The following STX19 variants were observed in gnomAD, a reference collection of about 807,000 sequenced individuals.
STX19 encodes syntaxin 19, also known as syntaxin-19.
STX19 carries 26 observed loss-of-function variants against 24.3 expected under a neutral mutation model. That is an observed-to-expected ratio of 1.07 (90% CI 0.78 to 1.48). STX19 has a LOEUF of 1.48. Among genes scored for constraint, STX19 ranks in the 40% most tolerant of loss-of-function variants. STX19 has a pLI of 0.00. For synonymous variants in STX19, 116 were observed against 106.9 expected, an observed-to-expected ratio of 1.09 and a Z score of -0.52; for missense variants, 367 against 331.9, an observed-to-expected ratio of 1.11 and a Z score of -0.82.
chr3:94,019,202 A>G (rs2076396855), intron 1 of STX19, among the ~76,000 whole-genome samples: 1 of 150,032 alleles, frequency 6.7e-6, no homozygotes, highest in South Asian at 2.1e-4. Context: ...ATTTTTGTTA[A>G]TTTTTTATTT....
At chr3:94,020,276 C>T (rs2076420360) in intron 1 of STX19, among the ~76,000 whole-genome samples, 3 of 152,120 alleles carry the variant, frequency 2.0e-5, no homozygotes, top group Admixed American at 2.0e-4. Flanking sequence ...GTGCCAGGCA[C>T]TAAGTGTGTT....
In STX19 at chr3:94,015,095, C is replaced by T. The variant is rs749663559; in HGVS notation, c.175G>A (p.Glu59Lys). 2 of 1,613,692 alleles carry T rather than the reference C, an allele frequency of 1.2e-6. No homozygotes were observed. The highest frequency in any genetic ancestry group is 1.1e-5 in the South Asian group (1 of 91,020). ...RHLHEIQKLQ[E>K]SINNLADNVQ... ...TTATCTGCCAAATTGTTAATACTTTCCTGTAGTTTTTGGATTTCATGTAGG... is the reference window on the plus strand; with the variant it reads ...TTATCTGCCAAATTGTTAATACTTTTCTGTAGTTTTTGGATTTCATGTAGG... The change falls in exon 2 of 2, where the codon GAA becomes AAA. Residue 59 changes from glutamate (E) to lysine (K), a missense_variant. By Grantham distance (56) the Glu-to-Lys change is moderately conservative. Transcript: ENST00000315099.
chr3:94,028,320 C>T (rs1051277098), intron 1 of STX19, 47 bp downstream of exon 1: 14 of 152,158 alleles, frequency 9.2e-5, no homozygotes, highest in African/African-American at 3.4e-4. Flanking sequence ...AGATGTCAGT[C>T]TATGGATACC....
In STX19 at chr3:94,021,613, T is replaced by C. The variant is rs138473258; in HGVS notation, c.-13-6331A>G. ...TGGCAACTTTGTGAAAGCAGAATTA[T>C]CACCCATGTTTTATTATATACATCT... On this transcript the variant is annotated intron_variant, in intron 1 of 1. Transcript: ENST00000315099. Among the ~76,000 whole-genome samples, 96 of 152,328 alleles carry C rather than the reference T, an allele frequency of 6.3e-4. 1 individual carries two copies. Among genetic ancestry groups the C allele is most frequent in the Non-Finnish European group, 1.1e-3 (75 of 68,030 alleles).
chr3:94,016,342 G>C (rs2076333204), intron 1 of STX19, among the ~76,000 whole-genome samples: 1 of 152,138 alleles, frequency 6.6e-6, no homozygotes, highest in South Asian at 2.1e-4. Flanking sequence ...GTAGGACTCA[G>C]TGTTTGATAT....
chr3:94,022,117 GTTTTA>G (rs1384163033), intron 1 of STX19, among the ~76,000 whole-genome samples: 1 of 151,716 alleles, frequency 6.6e-6, no homozygotes, highest in Non-Finnish European at 1.5e-5. Context: ...TGCTTCTTCA[GTTTTA>G]TTTTATTTTA....
At chr3:94,018,998 T>A (rs967098167) in intron 1 of STX19, among the ~76,000 whole-genome samples, 1 of 152,166 alleles carries the variant, frequency 6.6e-6, no homozygotes, top group Non-Finnish European at 1.5e-5. Flanking sequence ...ACTCCTGATC[T>A]CAGGCGATCC....
chr3:94,017,586 T>A (rs947012178), intron 1 of STX19, among the ~76,000 whole-genome samples: 3 of 152,264 alleles, frequency 2.0e-5, no homozygotes, highest in African/African-American at 7.2e-5. Context: ...ATATAAGTTT[T>A]AAATGCTGTA....
intron 1 of STX19, among the ~76,000 whole-genome samples, chr3:94,025,425 C>A (rs998286925): frequency 6.6e-6 from 1 of 152,072 alleles, no homozygotes; most frequent in Non-Finnish European, 1.5e-5. Flanking sequence ...GTTTATGGAT[C>A]CTATGCCTGT....
rs768103430 is a variant in STX19 at position 94,014,534 on chromosome 3, T to G, written c.736A>C (p.Ser246Arg). 5 of 1,612,836 alleles carry G rather than the reference T, an allele frequency of 3.1e-6. No homozygotes were observed. In the African/African-American group the frequency reaches 4.0e-5, roughly 13 times the overall value. Residue 246 changes from serine (S) to arginine (R), a missense_variant, in exon 2 of 2, where the codon AGC (serine) becomes CGC (arginine). Coordinates refer to ENST00000315099, the MANE Select transcript of STX19 (RefSeq NM_001001850.3). ...ISLLVEEQGE[S>R]INNIEMTVNS... ...ACTGTCATTTCAATATTGTTGATGC[T>G]CTCTCCTTGTTCCTCTACTAAAAGA...
At chr3:94,025,709 T>G (rs2107039635) in intron 1 of STX19, among the ~76,000 whole-genome samples, 1 of 152,318 alleles carries the variant, frequency 6.6e-6, no homozygotes, top group East Asian at 1.9e-4. Context: ...GTTTGCCCCT[T>G]GTAGCCCAGG....
rs146032983 is a variant in STX19, at chr3:94,019,870, G to A, written c.-13-4588C>T. On this transcript the variant is annotated intron_variant, in intron 1 of 1. Transcript: ENST00000315099. ...TTGGCACTTGCCTTCTCTTCTATTTGAAGTGTTCTTTCCCATGTAGTATGT... is the reference window on the plus strand; with the variant it reads ...TTGGCACTTGCCTTCTCTTCTATTTAAAGTGTTCTTTCCCATGTAGTATGT... 6.4e-3 allele frequency among the ~76,000 whole-genome samples: 978 copies of A among 152,222 alleles called. 8 individuals carry two copies. The highest frequency in any genetic ancestry group is 9.9e-3 in the Admixed American group (151 of 15,294).
At chr3:94,026,784 T>C (rs2076567325) in intron 1 of STX19, among the ~76,000 whole-genome samples, 1 of 152,202 alleles carries the variant, frequency 6.6e-6, no homozygotes, top group South Asian at 2.1e-4. Context: ...TCTTTTATTA[T>C]GTTTAACTTG....
intron 1 of STX19, among the ~76,000 whole-genome samples, chr3:94,020,114 G>A (rs537908862): frequency 7.2e-5 from 11 of 152,086 alleles, no homozygotes; most frequent in Middle Eastern, 3.4e-3. Context: ...TGAGATCAAG[G>A]GTTTTTATTC....
At chr3:94,024,166 G>T (rs139908093) in intron 1 of STX19, among the ~76,000 whole-genome samples, 1 of 151,994 alleles carries the variant, frequency 6.6e-6, no homozygotes. Context: ...AAAGGATCTC[G>T]CTCTTTTGTC....
In STX19 at chr3:94,014,494, T is replaced by C; in HGVS notation, c.776A>G (p.Glu259Gly). ...TTTCTCTTTAGTATTGTTAACATAC[T>C]CTTTTGTACTATTCACTGTCATTTC... ...NIEMTVNSTKEYVNNTKEKFG... is the reference protein window; with the variant it reads ...NIEMTVNSTKGYVNNTKEKFG... Residue 259 changes from glutamate to glycine, a missense_variant, in exon 2 of 2, where the codon GAG (glutamate) becomes GGG (glycine). Coordinates refer to ENST00000315099, the MANE Select transcript of STX19 (RefSeq NM_001001850.3). 1.2e-6 allele frequency: 2 copies of C among 1,610,098 alleles called. No homozygotes were observed. The highest frequency in any genetic ancestry group is 1.7e-6 in the Non-Finnish European group (2 of 1,178,900).
intron 1 of STX19, among the ~76,000 whole-genome samples, chr3:94,021,003 G>C (rs2076436060): frequency 1.3e-5 from 2 of 151,810 alleles, no homozygotes; most frequent in South Asian, 2.1e-4. Context: ...CTTCAGAGTA[G>C]AGCTAACCAA....
At position 94,015,255 on chromosome 3, in the gene STX19, A is replaced by C. The variant is rs2076307463; in HGVS notation, c.15T>G (p.Leu5=). ...CCTTTGTTCTCTGCTTTAGTTCTTGAAGTCGGTCTTTCATCTTCCCTTTCC... is the reference window on the plus strand; with the variant it reads ...CCTTTGTTCTCTGCTTTAGTTCTTGCAGTCGGTCTTTCATCTTCCCTTTCC... MKDR[L]QELKQRTKEI... The change falls in exon 2 of 2, where the codon CTT becomes CTG. Residue 5 remains leucine (L), a synonymous_variant. Coordinates refer to ENST00000315099, the MANE Select transcript of STX19 (RefSeq NM_001001850.3). 1 of 1,542,092 alleles carries C rather than the reference A, an allele frequency of 6.5e-7. No individual in the cohort carries two copies. Among genetic ancestry groups the C allele is most frequent in the East Asian group, 2.3e-5 (1 of 43,920 alleles).
chr3:94,015,217 G>C lies in STX19; in HGVS notation c.53C>G (p.Ser18Cys). 6.3e-7 allele frequency: 1 copy of C among 1,596,122 alleles called. No individual in the cohort carries two copies. Among genetic ancestry groups the C allele is most frequent in the Non-Finnish European group, 8.5e-7 (1 of 1,175,134 alleles). Residue 18 changes from serine to cysteine, a missense_variant, in exon 2 of 2, where the codon TCT (serine) becomes TGT (cysteine). Physicochemically the swap from Ser to Cys is moderately radical, Grantham distance 112 (BLOSUM62 -1). Transcript: ENST00000315099. The stretch of plus-strand genomic sequence containing the variant: ...TGTAGTTGATACATGACTGTCTCTA[G>C]AGAGTTCAATTTCCTTTGTTCTCTG... ...LKQRTKEIEL[S>C]RDSHVSTTET...
Sources: allele counts gnomAD v4.1 joint callset (sites outside exome capture counted in the v4.1 genomes callset), GRCh38; gene constraint gnomAD v4.1.1; transcripts MANE v1.5; gene names NCBI Gene and HGNC (gene_info 2026-07-23, HGNC 2026-07-21).